ZNF783: variants seen among roughly 807,000 people sequenced by gnomAD.
ZNF783 encodes the protein zinc finger protein 783.
In ZNF783, 25 loss-of-function variants were observed where a neutral mutation model predicts 31.3. The observed-to-expected ratio is 0.80, with a 90% CI of 0.58 to 1.11. The LOEUF (loss-of-function observed/expected upper bound fraction) is 1.11. Ranked by LOEUF, ZNF783 falls within the 50% of genes most tolerant of loss-of-function variation. The probability of loss-of-function intolerance (pLI) is 0.00; values close to 1 mark genes in which losing one functional copy is unlikely to be tolerated. For synonymous variants in ZNF783, 369 were observed against 319.1 expected, an observed-to-expected ratio of 1.16 and a Z score of -1.66; for missense variants, 797 against 760.0, an observed-to-expected ratio of 1.05 and a Z score of -0.57.
chr7:149,281,778 G>A lies in ZNF783; in HGVS notation c.1076G>A (p.Arg359His), dbSNP rs1158047752. 4 of 1,511,050 alleles carry A rather than the reference G, an allele frequency of 2.6e-6. No homozygotes were observed. Among genetic ancestry groups the A allele is most frequent in the Non-Finnish European group, 3.5e-6 (4 of 1,139,008 alleles). 93.6% of individuals were successfully genotyped at this position (1,511,050 alleles called of 1,614,324 possible). A position where few individuals can be genotyped will look rare whatever the true frequency, so the allele number is the denominator to read the frequency against. Residue 359 changes from arginine (R) to histidine (H), a missense_variant, in exon 6 of 6, where the codon CGC (arginine) becomes CAC (histidine). Transcript: ENST00000434415. ...FPCPDCGQSF[R>H]LKINLTIHQR... ...TGCCCCGACTGCGGGCAGAGCTTCCGCCTGAAGATCAATCTGACGATTCAT... is the reference window on the plus strand; with the variant it reads ...TGCCCCGACTGCGGGCAGAGCTTCCACCTGAAGATCAATCTGACGATTCAT...
intron 1 of ZNF783, among the ~76,000 whole-genome samples, chr7:149,264,982 G>A (rs550751840): frequency 2.2e-4 from 34 of 151,722 alleles, no homozygotes; most frequent in South Asian, 2.1e-4. Context: ...GGCTGGAAGT[G>A]GGGGAGAAGG....
Position 149,267,200 on chromosome 7 carries a change from A to G in ZNF783, c.651A>G (p.Gly217=). 1.3e-6 allele frequency: 2 copies of G among 1,597,496 alleles called. No homozygotes were observed. The highest frequency in any genetic ancestry group is 1.7e-6 in the Non-Finnish European group (2 of 1,178,776). ...GQEKGNEVEV[G]RPRMMGTGLP... ...AGAAGGGGAATGAAGTAGAGGTGGGACGTCCAAGGATGATGGGCACTGGTA... is the reference window on the plus strand; with the variant it reads ...AGAAGGGGAATGAAGTAGAGGTGGGGCGTCCAAGGATGATGGGCACTGGTA... The change falls in exon 4 of 6, where the codon GGA becomes GGG. Residue 217 remains glycine (G), a synonymous_variant. Coordinates refer to ENST00000434415, the MANE Select transcript of ZNF783 (RefSeq NM_001195220.2).
chr7:149,278,147 A>T, intron 4 of ZNF783: 4 of 1,257,788 alleles, frequency 3.2e-6, no homozygotes, highest in African/African-American at 3.0e-5. Context: ...TTCTGTCATG[A>T]CCTGCCTGGC....
chr7:149,274,176 T>G (rs1288272495), intron 4 of ZNF783, among the ~76,000 whole-genome samples: 1 of 152,182 alleles, frequency 6.6e-6, no homozygotes, highest in Non-Finnish European at 1.5e-5. Flanking sequence ...CCCCAATGTT[T>G]TCTTGTAGTA....
intron 5 of ZNF783, among the ~76,000 whole-genome samples, chr7:149,279,786 T>TAA (rs1362428439): frequency 1.4e-4 from 21 of 151,342 alleles, no homozygotes; most frequent in Admixed American, 4.0e-4. Context: ...GGGTTGGGGG[T>TAA]AAGGTCACCG....
chr7:149,280,377 G>T (rs575438761), intron 5 of ZNF783, among the ~76,000 whole-genome samples: 10 of 151,640 alleles, frequency 6.6e-5, no homozygotes, highest in Non-Finnish European at 1.0e-4. Flanking sequence ...ACCTGTGGCC[G>T]CAGCAGAGCC....
Position 149,281,743 on chromosome 7 carries a change from G to A in ZNF783, c.1041G>A (p.Arg347=), listed in dbSNP as rs111378620. 3 of 1,480,774 alleles carry A rather than the reference G, an allele frequency of 2.0e-6. No homozygotes were observed. Among genetic ancestry groups the A allele is most frequent in the African/African-American group, 2.9e-5 (2 of 70,034 alleles). 91.7% of individuals were successfully genotyped at this position (1,480,774 alleles called of 1,614,324 possible). ...TPRVLSRRRQ[R]AFPCPDCGQS... Reference sequence around the variant, plus strand: ...GAGTCCTCTCCCGCAGGCGGCAGCGGGCATTCCCCTGCCCCGACTGCGGGC... The same window carrying A: ...GAGTCCTCTCCCGCAGGCGGCAGCGAGCATTCCCCTGCCCCGACTGCGGGC... The change falls in exon 6 of 6, where the codon CGG becomes CGA. Residue 347 remains arginine, a synonymous_variant. Coordinates refer to ENST00000434415, the MANE Select transcript of ZNF783 (RefSeq NM_001195220.2).
intron 4 of ZNF783, 114 bp downstream of exon 4, chr7:149,267,336 T>A: frequency 7.1e-7 from 1 of 1,402,194 alleles, no homozygotes; most frequent in Non-Finnish European, 9.4e-7. Flanking sequence ...CATAGACCAT[T>A]AACCCAAAGT....
In ZNF783 at chr7:149,264,794, A is replaced by G. The variant is rs1797024361; in HGVS notation, c.25-1541A>G. On this transcript the variant is annotated intron_variant, in intron 1 of 5. Transcript: ENST00000434415. Reference sequence around the variant, plus strand: ...AGGCTGAGGCAGGAGAATCGCTTGAACTTGGGAGGTGGAGGTTGCAGTGAG... The same window carrying G: ...AGGCTGAGGCAGGAGAATCGCTTGAGCTTGGGAGGTGGAGGTTGCAGTGAG... Among the ~76,000 whole-genome samples, 5 of 150,360 alleles carry G rather than the reference A, an allele frequency of 3.3e-5. No individual in the cohort carries two copies. In the South Asian group the frequency reaches 1.0e-3, roughly 32 times the overall value.
chr7:149,282,434 T>C lies in ZNF783; in HGVS notation c.*91T>C. ...TTTTCCTGGGATGGAGAGAGGTTTG[T>C]TGTTTTTACCCATTCAAATGGGAAG... is the stretch of plus-strand genomic sequence containing the variant. On this transcript the variant is annotated 3_prime_UTR_variant, in exon 6 of 6. Transcript: ENST00000434415. 8.5e-7 allele frequency: 1 copy of C among 1,177,848 alleles called. No homozygotes were observed. The highest frequency in any genetic ancestry group is 1.2e-6 in the Non-Finnish European group (1 of 868,616). 73.0% of individuals were successfully genotyped at this position (1,177,848 alleles called of 1,614,324 possible).
At chr7:149,277,112 T>C (rs1214110405) in intron 4 of ZNF783, 4 of 152,282 alleles carry the variant, frequency 2.6e-5, no homozygotes, top group Non-Finnish European at 4.4e-5. Context: ...CCTCCCAAAG[T>C]GCTGGGATTA....
At chr7:149,270,987 G>T (rs1048643444) in intron 4 of ZNF783, among the ~76,000 whole-genome samples, 1 of 152,044 alleles carries the variant, frequency 6.6e-6, no homozygotes. Context: ...TCGCTCTGTC[G>T]CCCAGGCTGG....
chr7:149,282,917 C>CT lies in ZNF783; in HGVS notation c.*575dup, dbSNP rs1162925436. The CT allele has an allele frequency of 1.3e-5, 2 of 151,432 alleles. No homozygotes were observed. The highest frequency in any genetic ancestry group is 2.9e-5 in the Non-Finnish European group (2 of 68,046). The allele number at this position is 151,432 out of a possible 1,614,324, so 9.4% of individuals were successfully genotyped here. Reference sequence around the variant, plus strand: ...GCTTTTCCATGTGAGGCTCGCAGAGCTGAAAGGGGAGCTACGTCCACCAGC... The same window carrying CT: ...GCTTTTCCATGTGAGGCTCGCAGAGCTTGAAAGGGGAGCTACGTCCACCAGC... On this transcript the variant is annotated 3_prime_UTR_variant, in exon 6 of 6. Coordinates refer to ENST00000434415, the MANE Select transcript of ZNF783 (RefSeq NM_001195220.2).
At position 149,266,834 on chromosome 7, in the gene ZNF783, G is replaced by T; in HGVS notation, c.436G>T (p.Asp146Tyr). The T allele has an allele frequency of 1.2e-6, 2 of 1,614,098 alleles. No individual in the cohort carries two copies. Among genetic ancestry groups the T allele is most frequent in the Non-Finnish European group, 1.7e-6 (2 of 1,180,036 alleles). ...ATGGTTCCAGGTGCCCGTGACCTTC[G>T]ATGATGTGGCCGTGTATTTCTCTGA... ...GEAPKVPVTF[D>Y]DVAVYFSELE... The change falls in exon 3 of 6, where the codon GAT (aspartate) becomes TAT (tyrosine). Residue 146 changes from aspartate (D) to tyrosine (Y), a missense_variant. Physicochemically the swap from Asp to Tyr is radical, Grantham distance 160 (BLOSUM62 -3). Coordinates refer to ENST00000434415, the MANE Select transcript of ZNF783 (RefSeq NM_001195220.2).
At chr7:149,279,522 G>A (rs529631404) in intron 5 of ZNF783, among the ~76,000 whole-genome samples, 137 of 152,320 alleles carry the variant, frequency 9.0e-4, no homozygotes, top group Non-Finnish European at 1.6e-3. Context: ...GGCTGCTGGG[G>A]AGATGGCTGT....
intron 1 of ZNF783, among the ~76,000 whole-genome samples, chr7:149,262,594 G>T (rs1796952964): frequency 6.6e-6 from 1 of 152,214 alleles, no homozygotes; most frequent in African/African-American, 2.4e-5. Context: ...GCCCATCTGC[G>T]GCCTCAGCCA....
chr7:149,278,118 C>T, intron 4 of ZNF783: 1 of 1,180,530 alleles, frequency 8.5e-7, no homozygotes, highest in Non-Finnish European at 1.1e-6. Context: ...GTTTCTCTTT[C>T]CTGCCTTAAA....
At position 149,281,725 on chromosome 7, in the gene ZNF783, C is replaced by G; in HGVS notation, c.1023C>G (p.Leu341=). 6.7e-7 allele frequency: 1 copy of G among 1,481,906 alleles called. No individual in the cohort carries two copies. The highest frequency in any genetic ancestry group is 8.9e-7 in the Non-Finnish European group (1 of 1,125,404). The allele number at this position is 1,481,906 out of a possible 1,614,324, so 91.8% of individuals were successfully genotyped here. A position where few individuals can be genotyped will look rare whatever the true frequency, so the allele number is the denominator to read the frequency against. Residue 341 remains leucine (L), a synonymous_variant, in exon 6 of 6, where the codon CTC becomes CTG. Coordinates refer to ENST00000434415, the MANE Select transcript of ZNF783 (RefSeq NM_001195220.2). Reference sequence around the variant, plus strand: ...CCAGTGGGGAGACGCCCCGAGTCCTCTCCCGCAGGCGGCAGCGGGCATTCC... The same window carrying G: ...CCAGTGGGGAGACGCCCCGAGTCCTGTCCCGCAGGCGGCAGCGGGCATTCC... ...PGASGETPRV[L]SRRRQRAFPC... is the part of the protein sequence containing the mutation.
At chr7:149,280,500 C>T (rs1233378149) in intron 5 of ZNF783, among the ~76,000 whole-genome samples, 1 of 152,136 alleles carries the variant, frequency 6.6e-6, no homozygotes. Flanking sequence ...GCTTCTATCT[C>T]CCTGGGGACT....
Sources: allele counts gnomAD v4.1 joint callset (sites outside exome capture counted in the v4.1 genomes callset), GRCh38; gene constraint gnomAD v4.1.1; transcripts MANE v1.5; gene names NCBI Gene and HGNC (gene_info 2026-07-23, HGNC 2026-07-21).